NR3C2: variants seen among roughly 807,000 people sequenced by gnomAD.
NR3C2 encodes the protein mineralocorticoid receptor.
NR3C2 carries 15 observed loss-of-function variants against 86.4 expected under a neutral mutation model. That is an observed-to-expected ratio of 0.17 (90% CI 0.12 to 0.27). The LOEUF is 0.27. Among genes scored for constraint, NR3C2 ranks in the 10% least tolerant of loss-of-function variants. NR3C2 has a pLI of 1.00. For synonymous variants in NR3C2, 458 were observed against 450.5 expected (o/e 1.02, Z -0.21); for missense variants, 960 against 1,195.6 (o/e 0.80, Z 2.91).
intron 2 of NR3C2, among the ~76,000 whole-genome samples, chr4:148,266,569 A>G (rs1257970158): frequency 1.3e-5 from 2 of 152,218 alleles, no homozygotes. Context: ...GTGAGGTCCA[A>G]GAAGATGGTG....
intron 2 of NR3C2, among the ~76,000 whole-genome samples, chr4:148,382,492 G>A (rs893829020): frequency 6.6e-6 from 1 of 152,080 alleles, no homozygotes; most frequent in African/African-American, 2.4e-5. Context: ...AAGCCTAAAT[G>A]TGAACACAGA....
intron 2 of NR3C2, among the ~76,000 whole-genome samples, chr4:148,394,981 TG>T (rs1374893321): frequency 6.6e-6 from 1 of 151,960 alleles, no homozygotes; most frequent in Non-Finnish European, 1.5e-5. Flanking sequence ...CAGAATGTAG[TG>T]GGGGAAACAG....
chr4:148,278,882 G>T (rs1579099049), intron 2 of NR3C2, among the ~76,000 whole-genome samples: 1 of 151,894 alleles, frequency 6.6e-6, no homozygotes, highest in Admixed American at 6.6e-5. Flanking sequence ...AAAAAAAGTG[G>T]CTGGGCATGG....
intron 4 of NR3C2, among the ~76,000 whole-genome samples, chr4:148,162,399 T>G (rs764674498): frequency 6.6e-6 from 1 of 151,926 alleles, no homozygotes; most frequent in East Asian, 1.9e-4. Flanking sequence ...ACATTTTTCA[T>G]CCCCCCTCCC....
chr4:148,193,634 T>C (rs577507750), intron 4 of NR3C2, among the ~76,000 whole-genome samples: 5 of 152,352 alleles, frequency 3.3e-5, no homozygotes, highest in Non-Finnish European at 7.3e-5. Context: ...ATTTTAAATT[T>C]TGTATTTTTG....
chr4:148,374,450 T>C (rs567236094), intron 2 of NR3C2, among the ~76,000 whole-genome samples: 27 of 152,314 alleles, frequency 1.8e-4, no homozygotes, highest in South Asian at 1.0e-3. Flanking sequence ...CAAGGTCAGA[T>C]TATTATTCAA....
intron 2 of NR3C2, among the ~76,000 whole-genome samples, chr4:148,290,243 A>G (rs1032317786): frequency 2.6e-5 from 4 of 152,190 alleles, no homozygotes; most frequent in Non-Finnish European, 5.9e-5. Context: ...CACTTCAGCC[A>G]TATTAGATTA....
At chr4:148,246,429 C>A (rs1239385023) in intron 3 of NR3C2, among the ~76,000 whole-genome samples, 1 of 152,192 alleles carries the variant, frequency 6.6e-6, no homozygotes, top group African/African-American at 2.4e-5. Flanking sequence ...TAAAAAAATT[C>A]ACTACTGAAG....
chr4:148,263,073 T>C (rs1740208699), intron 2 of NR3C2, among the ~76,000 whole-genome samples: 1 of 152,140 alleles, frequency 6.6e-6, no homozygotes, highest in African/African-American at 2.4e-5. Flanking sequence ...GAATGACCCT[T>C]ATGCATTCAT....
chr4:148,430,465 A>C (rs1749749391), intron 2 of NR3C2, among the ~76,000 whole-genome samples: 1 of 152,142 alleles, frequency 6.6e-6, no homozygotes, highest in Non-Finnish European at 1.5e-5. Flanking sequence ...AGCGAATGAA[A>C]AATGAATATC....
chr4:148,441,314 C>A (rs999271592), intron 1 of NR3C2, among the ~76,000 whole-genome samples: 1 of 152,204 alleles, frequency 6.6e-6, no homozygotes, highest in African/African-American at 2.4e-5. Context: ...AACTTCACAG[C>A]AGGACTTCAC....
intron 2 of NR3C2, among the ~76,000 whole-genome samples, chr4:148,300,134 C>G (rs544999018): frequency 5.3e-5 from 8 of 152,322 alleles, no homozygotes; most frequent in Admixed American, 3.9e-4. Context: ...TTGCTGCAGG[C>G]CTCCATCTTG....
chr4:148,293,817 G>A (rs1417488413), intron 2 of NR3C2, among the ~76,000 whole-genome samples: 1 of 152,122 alleles, frequency 6.6e-6, no homozygotes, highest in Non-Finnish European at 1.5e-5. Context: ...ATTTTCCAGA[G>A]GTAATGGTTA....
chr4:148,162,937 G>C (rs991632292), intron 4 of NR3C2, among the ~76,000 whole-genome samples: 1 of 151,952 alleles, frequency 6.6e-6, no homozygotes, highest in African/African-American at 2.4e-5. Context: ...GCTTCTGAAA[G>C]AAAAAAAGGT....
intron 6 of NR3C2, among the ~76,000 whole-genome samples, chr4:148,141,827 T>G (rs1260398963): frequency 6.6e-6 from 1 of 152,110 alleles, no homozygotes; most frequent in Non-Finnish European, 1.5e-5. Context: ...AGAATCTAAC[T>G]AATGCCCGAT....
At chr4:148,132,865 C>A (rs1733099314) in intron 6 of NR3C2, among the ~76,000 whole-genome samples, 1 of 152,164 alleles carries the variant, frequency 6.6e-6, no homozygotes, top group Non-Finnish European at 1.5e-5. Flanking sequence ...TTAAGACTTA[C>A]TGCCAGAGTT....
intron 3 of NR3C2, among the ~76,000 whole-genome samples, chr4:148,254,812 T>TG (rs1739746507): frequency 6.6e-6 from 1 of 152,180 alleles, no homozygotes; most frequent in South Asian, 2.1e-4. Context: ...ATTGTGGTTG[T>TG]GACAATAGGC....
intron 4 of NR3C2, among the ~76,000 whole-genome samples, chr4:148,181,810 C>G (rs1406458344): frequency 6.6e-6 from 1 of 152,120 alleles, no homozygotes; most frequent in African/African-American, 2.4e-5. Context: ...TACAGCCCAG[C>G]AGGATTTTAA....
chr4:148,437,732 A>T (rs2126660518), intron 1 of NR3C2, among the ~76,000 whole-genome samples: 1 of 152,254 alleles, frequency 6.6e-6, no homozygotes, highest in Middle Eastern at 3.4e-3. Context: ...AGCCCCGAAA[A>T]TTTAAGCATT....
Sources: allele counts gnomAD v4.1 joint callset (sites outside exome capture counted in the v4.1 genomes callset), GRCh38; gene constraint gnomAD v4.1.1; transcripts MANE v1.5; gene names NCBI Gene and HGNC (gene_info 2026-07-23, HGNC 2026-07-21).